NRCAM: variants seen among roughly 807,000 people sequenced by gnomAD.
The protein encoded by NRCAM is NgCAM-related cell adhesion molecule.
NRCAM carries 83 observed loss-of-function variants against 156.5 expected under a neutral mutation model. The observed-to-expected ratio is 0.53, with a 90% confidence interval of 0.44 to 0.64. The LOEUF is 0.64. Ranked by LOEUF, NRCAM falls within the 30% of genes least tolerant of loss-of-function variation. The probability of loss-of-function intolerance (pLI) is 0.00; values close to 1 mark genes in which losing one functional copy is unlikely to be tolerated. For synonymous variants in NRCAM, 538 were observed against 563.9 expected (o/e 0.95, Z 0.65); for missense variants, 1,417 against 1,597.3 (o/e 0.89, Z 1.92).
intron 3 of NRCAM, among the ~76,000 whole-genome samples, chr7:108,248,877 T>C (rs1387386153): frequency 6.6e-6 from 1 of 152,136 alleles, no homozygotes; most frequent in Non-Finnish European, 1.5e-5. Context: ...CAATCTGAAG[T>C]GCTTTTTCTG....
At chr7:108,397,525 A>G (rs990805580) in intron 2 of NRCAM, among the ~76,000 whole-genome samples, 1 of 152,184 alleles carries the variant, frequency 6.6e-6, no homozygotes, top group Admixed American at 6.5e-5. Context: ...AACAGGCCTC[A>G]ACCATGTCCT....
intron 2 of NRCAM, among the ~76,000 whole-genome samples, chr7:108,349,985 C>T (rs781503728): frequency 6.6e-6 from 1 of 152,226 alleles, no homozygotes; most frequent in Non-Finnish European, 1.5e-5. Flanking sequence ...CCTTTCCTCA[C>T]ATCGGTGATC....
Position 108,184,228 on chromosome 7 carries a change from C to T in NRCAM, c.2304+13G>A. ...AAAAAATAGCGAATAAATTTGAAGGCATCATAGCTCACCTTCCACGTAATC... is the reference window on the plus strand; with the variant it reads ...AAAAAATAGCGAATAAATTTGAAGGTATCATAGCTCACCTTCCACGTAATC... On this transcript the variant is annotated intron_variant, in intron 22 of 32. Coordinates refer to ENST00000379028, the MANE Select transcript of NRCAM (RefSeq NM_001037132.4). The T allele has an allele frequency of 6.2e-7, 1 of 1,602,098 alleles. No homozygotes were observed. The highest frequency in any genetic ancestry group is 8.6e-7 in the Non-Finnish European group (1 of 1,169,374).
intron 3 of NRCAM, among the ~76,000 whole-genome samples, chr7:108,281,000 C>T (rs2097841552): frequency 6.6e-6 from 1 of 152,050 alleles, no homozygotes; most frequent in South Asian, 2.1e-4. Flanking sequence ...GATATGGGTT[C>T]CTTTTGTAAA....
intron 30 of NRCAM, 80 bp from the exon 31 acceptor site, chr7:108,160,572 T>C: frequency 7.7e-7 from 1 of 1,298,246 alleles, no homozygotes. Context: ...AGTAAAAAAT[T>C]GCCACGTTAT....
intron 2 of NRCAM, among the ~76,000 whole-genome samples, chr7:108,365,761 T>C (rs2099587909): frequency 6.6e-6 from 1 of 152,196 alleles, no homozygotes; most frequent in Non-Finnish European, 1.5e-5. Context: ...TTAAATACTT[T>C]TCCAATTCAG....
chr7:108,150,861 CACTTTA>C, intron 32 of NRCAM: 1 of 402,490 alleles, frequency 2.5e-6, no homozygotes, highest in Non-Finnish European at 4.9e-6. Flanking sequence ...GAAAGAGACG[CACTTTA>C]ACTTAAAAGC....
At chr7:108,403,499 T>C (rs1302910099) in intron 1 of NRCAM, among the ~76,000 whole-genome samples, 5 of 152,208 alleles carry the variant, frequency 3.3e-5, no homozygotes, top group Non-Finnish European at 1.5e-5. Flanking sequence ...TTAGTGTATG[T>C]CATTACTTAA....
rs539188971 is a variant in NRCAM at position 108,237,695 on chromosome 7, A to G, written c.124+57T>C. ...ATTTAAATCACAATATTAATTCAAAAAGCAAAGACATGGTCACATTTTCAC... is the reference window on the plus strand; with the variant it reads ...ATTTAAATCACAATATTAATTCAAAGAGCAAAGACATGGTCACATTTTCAC... On this transcript the variant is annotated intron_variant, in intron 5 of 32. Transcript: ENST00000379028. 13 of 1,355,158 alleles carry G rather than the reference A, an allele frequency of 9.6e-6. No homozygotes were observed. In the South Asian group the frequency reaches 2.1e-4, roughly 21 times the overall value. 83.9% of individuals were successfully genotyped at this position (1,355,158 alleles called of 1,614,324 possible).
chr7:108,367,491 T>C (rs926297146), intron 2 of NRCAM, among the ~76,000 whole-genome samples: 3 of 152,174 alleles, frequency 2.0e-5, no homozygotes, highest in African/African-American at 7.2e-5. Context: ...AACATATTTG[T>C]TTTCCTGAAT....
intron 3 of NRCAM, among the ~76,000 whole-genome samples, chr7:108,241,216 C>T (rs568961345): frequency 1.2e-4 from 19 of 152,280 alleles, no homozygotes; most frequent in African/African-American, 4.3e-4. Flanking sequence ...TGCATACATG[C>T]TCTCTACTCC....
chr7:108,416,282 TATAGTATC>T (rs1310528834), intron 1 of NRCAM, among the ~76,000 whole-genome samples: 4 of 152,218 alleles, frequency 2.6e-5, no homozygotes, highest in Admixed American at 1.3e-4. Context: ...ACATTTCTTT[TATAGTATC>T]ATAGTGTCTA....
At chr7:108,433,530 A>G (rs1048175067) in intron 1 of NRCAM, among the ~76,000 whole-genome samples, 10 of 152,176 alleles carry the variant, frequency 6.6e-5, no homozygotes, top group Non-Finnish European at 1.0e-4. Flanking sequence ...GGCCTAAAGG[A>G]AGGTTTCTGG....
At chr7:108,435,728 A>G (rs1007220834) in intron 1 of NRCAM, among the ~76,000 whole-genome samples, 1 of 152,234 alleles carries the variant, frequency 6.6e-6, no homozygotes, top group Non-Finnish European at 1.5e-5. Flanking sequence ...AAACCTGCAC[A>G]TGTACCCCTG....
intron 20 of NRCAM, among the ~76,000 whole-genome samples, chr7:108,187,837 C>T (rs940124433): frequency 6.6e-6 from 1 of 152,064 alleles, no homozygotes; most frequent in African/African-American, 2.4e-5. Flanking sequence ...CGCCTGTAGT[C>T]CCAGCTACTC....
At chr7:108,341,236 G>C (rs967061555) in intron 2 of NRCAM, among the ~76,000 whole-genome samples, 2 of 152,220 alleles carry the variant, frequency 1.3e-5, no homozygotes, top group African/African-American at 4.8e-5. Context: ...CAGGACTGAG[G>C]GTGCCTGGGG....
At chr7:108,298,382 A>T (rs2098497118) in intron 3 of NRCAM, among the ~76,000 whole-genome samples, 2 of 152,058 alleles carry the variant, frequency 1.3e-5, no homozygotes, top group African/African-American at 4.8e-5. Flanking sequence ...ACGGTGGCTC[A>T]TGCCTGTAAT....
At chr7:108,327,915 C>T (rs2099087034) in intron 2 of NRCAM, among the ~76,000 whole-genome samples, 1 of 152,040 alleles carries the variant, frequency 6.6e-6, no homozygotes, top group Non-Finnish European at 1.5e-5. Context: ...AAACATCAGG[C>T]ATGCAGAAAA....
At chr7:108,395,335 G>A (rs1234895611) in intron 2 of NRCAM, among the ~76,000 whole-genome samples, 5 of 152,200 alleles carry the variant, frequency 3.3e-5, no homozygotes, top group Non-Finnish European at 7.3e-5. Context: ...AAATTCAAAT[G>A]TAGCAGGACA....
Sources: allele counts gnomAD v4.1 joint callset (sites outside exome capture counted in the v4.1 genomes callset), GRCh38; gene constraint gnomAD v4.1.1; transcripts MANE v1.5; gene names NCBI Gene and HGNC (gene_info 2026-07-23, HGNC 2026-07-21).